Variants in LSAMP observed in about 807,000 individuals in gnomAD.
LSAMP encodes the protein limbic system-associated membrane protein.
LSAMP carries 7 observed loss-of-function variants against 38.6 expected under a neutral mutation model. The observed-to-expected ratio is 0.18, with a 90% CI of 0.10 to 0.34. The LOEUF (loss-of-function observed/expected upper bound fraction) is 0.34. Ranked by LOEUF, LSAMP falls within the 10% of genes least tolerant of loss-of-function variation. The pLI, the probability that LSAMP is intolerant of heterozygous loss-of-function variation, is 1.00. For synonymous variants in LSAMP, 154 were observed against 166.8 expected (o/e 0.92, Z 0.59); for missense variants, 313 against 420.0 (o/e 0.75, Z 2.23).
chr3:116,196,883 A>T (rs1473538360), intron 1 of LSAMP, among the ~76,000 whole-genome samples: 1 of 151,934 alleles, frequency 6.6e-6, no homozygotes, highest in Non-Finnish European at 1.5e-5. Flanking sequence ...CCACTCCTTT[A>T]TGCCTGCTTC....
chr3:116,248,369 G>A (rs972923598), intron 1 of LSAMP, among the ~76,000 whole-genome samples: 2 of 152,080 alleles, frequency 1.3e-5, no homozygotes, highest in Non-Finnish European at 2.9e-5. Flanking sequence ...GGACACAGGT[G>A]CACACACCTG....
At chr3:115,984,793 A>G (rs1367833603) in intron 3 of LSAMP, among the ~76,000 whole-genome samples, 1 of 152,204 alleles carries the variant, frequency 6.6e-6, no homozygotes, top group East Asian at 1.9e-4. Flanking sequence ...ATACATTGCA[A>G]TGGTAAAATG....
In LSAMP at chr3:116,185,016, T is replaced by C. The variant is rs1710577516; in HGVS notation, c.156-98460A>G. Among the ~76,000 whole-genome samples the C allele has an allele frequency of 2.1e-5, 3 of 140,952 alleles. No individual in the cohort carries two copies. In the South Asian group the frequency reaches 6.7e-4, roughly 32 times the overall value. 92.5% of individuals were successfully genotyped at this position (140,952 alleles called of 152,430 possible). A position where few individuals can be genotyped will look rare whatever the true frequency, so the allele number is the denominator to read the frequency against. On this transcript the variant is annotated intron_variant, in intron 1 of 6. Transcript: ENST00000490035. ...TGTGGTTTAACTGCAGATTTTTTCT[T>C]TCTTTCTTTCTTTCTTTTTTTTTTT... is the stretch of plus-strand genomic sequence containing the variant.
chr3:115,857,291 A>T (rs1355225518), intron 3 of LSAMP, among the ~76,000 whole-genome samples: 1 of 152,098 alleles, frequency 6.6e-6, no homozygotes, highest in East Asian at 1.9e-4. Context: ...CTTTGCCCCC[A>T]CGAGCCTGTC....
chr3:116,408,824 A>AC (rs2048933307), intron 1 of LSAMP, among the ~76,000 whole-genome samples: 1 of 152,076 alleles, frequency 6.6e-6, no homozygotes, highest in African/African-American at 2.4e-5. Flanking sequence ...TGTCAGATAC[A>AC]CAATGACTAT....
chr3:115,860,728 C>T (rs1356138486), intron 3 of LSAMP, among the ~76,000 whole-genome samples: 1 of 152,126 alleles, frequency 6.6e-6, no homozygotes, highest in Non-Finnish European at 1.5e-5. Context: ...AGCAAAGGAG[C>T]TACAGAGACA....
intron 2 of LSAMP, among the ~76,000 whole-genome samples, chr3:116,042,792 G>T (rs1006498924): frequency 2.0e-5 from 3 of 152,138 alleles, no homozygotes; most frequent in Admixed American, 6.5e-5. Context: ...CATTCTGCAT[G>T]TATGTGTCTC....
At chr3:116,255,275 A>T (rs2046734881) in intron 1 of LSAMP, among the ~76,000 whole-genome samples, 1 of 152,210 alleles carries the variant, frequency 6.6e-6, no homozygotes, top group Non-Finnish European at 1.5e-5. Flanking sequence ...AAGGGCAGTT[A>T]TATTTTATCA....
chr3:116,162,189 A>T (rs1254072757), intron 1 of LSAMP, among the ~76,000 whole-genome samples: 1 of 152,210 alleles, frequency 6.6e-6, no homozygotes. Context: ...CTAAAATCTT[A>T]GGCAAGCTTA....
At chr3:115,995,370 C>G (rs1424585990) in intron 3 of LSAMP, among the ~76,000 whole-genome samples, 2 of 152,016 alleles carry the variant, frequency 1.3e-5, no homozygotes, top group African/African-American at 4.8e-5. Flanking sequence ...AATTTAGTGC[C>G]CTTCCTCTTC....
intron 1 of LSAMP, among the ~76,000 whole-genome samples, chr3:116,304,146 T>G (rs2107709479): frequency 6.6e-6 from 1 of 152,322 alleles, no homozygotes; most frequent in South Asian, 2.1e-4. Context: ...TATCGCTATG[T>G]GCCACATGTT....
At chr3:116,010,119 G>A (rs1940283675) in intron 3 of LSAMP, among the ~76,000 whole-genome samples, 2 of 152,124 alleles carry the variant, frequency 1.3e-5, no homozygotes, top group Admixed American at 1.3e-4. Context: ...GTTTCACCAT[G>A]TTGGCCAGCC....
intron 1 of LSAMP, among the ~76,000 whole-genome samples, chr3:116,432,131 T>C (rs966465901): frequency 6.6e-6 from 1 of 152,036 alleles, no homozygotes; most frequent in Admixed American, 6.6e-5. Context: ...ATGCCTCTTA[T>C]ATATCGTATC....
At chr3:116,198,974 C>T (rs993744746) in intron 1 of LSAMP, among the ~76,000 whole-genome samples, 3 of 152,026 alleles carry the variant, frequency 2.0e-5, no homozygotes, top group Non-Finnish European at 2.9e-5. Flanking sequence ...ATTCTACCTA[C>T]TCAGGAGGCT....
At chr3:116,105,207 T>C (rs557599506) in intron 1 of LSAMP, among the ~76,000 whole-genome samples, 1 of 151,000 alleles carries the variant, frequency 6.6e-6, no homozygotes, top group South Asian at 2.1e-4. Context: ...CAGCTGGTGA[T>C]ATACAGTCTG....
chr3:116,057,035 A>G (rs770442595), intron 2 of LSAMP, among the ~76,000 whole-genome samples: 2 of 152,140 alleles, frequency 1.3e-5, no homozygotes, highest in Non-Finnish European at 2.9e-5. Context: ...GTTTGCATAT[A>G]TCATTTACCC....
intron 1 of LSAMP, among the ~76,000 whole-genome samples, chr3:116,207,538 G>C (rs13068063): frequency 0.6 from 90,572 of 150,530 alleles, 27,982 homozygotes; most frequent in East Asian, 0.76. Context: ...TGCAGCGGCT[G>C]GTCCCGGTTG....
chr3:115,953,444 A>ACAC (rs1224815803), intron 3 of LSAMP, among the ~76,000 whole-genome samples: 5 of 97,120 alleles, frequency 5.1e-5, no homozygotes, highest in African/African-American at 1.9e-4. Context: ...CACACACACA[A>ACAC]TGTCTAAAAT....
intron 1 of LSAMP, among the ~76,000 whole-genome samples, chr3:116,174,976 C>G (rs1286171331): frequency 6.6e-6 from 1 of 152,030 alleles, no homozygotes; most frequent in Non-Finnish European, 1.5e-5. Flanking sequence ...GCCGACTTCT[C>G]CACTATCCAC....
Sources: allele counts gnomAD v4.1 joint callset (sites outside exome capture counted in the v4.1 genomes callset), GRCh38; gene constraint gnomAD v4.1.1; transcripts MANE v1.5; gene names NCBI Gene and HGNC (gene_info 2026-07-23, HGNC 2026-07-21).